Variants in DCHS2 observed in about 807,000 individuals in gnomAD.
DCHS2 encodes the protein dachsous cadherin-related 2, also known as protocadherin-23.
DCHS2 carries 142 observed loss-of-function variants against 182.4 expected under a neutral mutation model. That is an observed-to-expected ratio of 0.78 (90% CI 0.68 to 0.89). DCHS2 has a LOEUF of 0.89. DCHS2 is among the 40% of genes least tolerant of loss of function. The pLI is 0.00. For synonymous variants in DCHS2, 1,740 were observed against 1,663.3 expected (o/e 1.05, Z -1.12); for missense variants, 4,319 against 4,198.6 (o/e 1.03, Z -0.79).
At chr4:154,482,613 G>A (rs772522879) in intron 1 of DCHS2, among the ~76,000 whole-genome samples, 45 of 152,190 alleles carry the variant, frequency 3.0e-4, no homozygotes, top group Non-Finnish European at 6.0e-4. Context: ...AACTATGAAA[G>A]AGTCGTATTA....
At chr4:154,293,256 G>T (rs925989999) in intron 13 of DCHS2, among the ~76,000 whole-genome samples, 1 of 151,988 alleles carries the variant, frequency 6.6e-6, no homozygotes, top group Non-Finnish European at 1.5e-5. Flanking sequence ...AGGCTGGAGT[G>T]CAATGGCGTG....
At chr4:154,367,748 A>C (rs1456387543) in intron 2 of DCHS2, among the ~76,000 whole-genome samples, 1 of 152,020 alleles carries the variant, frequency 6.6e-6, no homozygotes, top group African/African-American at 2.4e-5. Context: ...CTACTCTGGC[A>C]GGGAGGCACA....
chr4:154,284,996 G>A (rs916993882), intron 13 of DCHS2, among the ~76,000 whole-genome samples: 1 of 152,076 alleles, frequency 6.6e-6, no homozygotes, highest in African/African-American at 2.4e-5. Flanking sequence ...AGAGGAGAGG[G>A]AAGAGTAAAG....
At chr4:154,408,976 T>C (rs907456846) in intron 1 of DCHS2, among the ~76,000 whole-genome samples, 1 of 152,110 alleles carries the variant, frequency 6.6e-6, no homozygotes, top group Non-Finnish European at 1.5e-5. Flanking sequence ...CCCAGAGCAG[T>C]CACACAAAAT....
intron 1 of DCHS2, among the ~76,000 whole-genome samples, chr4:154,396,555 A>G (rs1029450992): frequency 2.6e-5 from 4 of 152,112 alleles, no homozygotes; most frequent in Non-Finnish European, 5.9e-5. Flanking sequence ...GAAAGAGTTT[A>G]TTGAGCTCCC....
intron 1 of DCHS2, among the ~76,000 whole-genome samples, chr4:154,444,381 G>GT (rs1297098374): frequency 1.3e-5 from 2 of 151,898 alleles, no homozygotes; most frequent in African/African-American, 4.8e-5. Flanking sequence ...CTTCCCCCAG[G>GT]TGCCTGCATT....
chr4:154,253,186 A>AGTGTGT (rs200345645), intron 16 of DCHS2, among the ~76,000 whole-genome samples: 68 of 142,328 alleles, frequency 4.8e-4, no homozygotes, highest in African/African-American at 1.7e-3. Context: ...AGAGAGAGAG[A>AGTGTGT]GAGAGAGTGT....
chr4:154,314,050 C>A (rs1172872481), intron 10 of DCHS2, among the ~76,000 whole-genome samples: 3 of 152,062 alleles, frequency 2.0e-5, no homozygotes, highest in African/African-American at 7.2e-5. Flanking sequence ...GAGAGAAATT[C>A]TTTTCTCCCT....
At chr4:154,309,754 A>G (rs182006596) in intron 10 of DCHS2, among the ~76,000 whole-genome samples, 26 of 152,334 alleles carry the variant, frequency 1.7e-4, no homozygotes, top group African/African-American at 5.5e-4. Flanking sequence ...TAGGAATTCA[A>G]TACTTGGAGT....
At chr4:154,421,045 G>C (rs780697065) in intron 1 of DCHS2, among the ~76,000 whole-genome samples, 6 of 152,192 alleles carry the variant, frequency 3.9e-5, no homozygotes, top group Non-Finnish European at 8.8e-5. Context: ...CTCACTGACA[G>C]TGATTTGAAT....
Position 154,236,646 on chromosome 4 carries a change from C to G in DCHS2, c.8006G>C (p.Ser2669Thr). Residue 2669 changes from serine (S) to threonine (T), a missense_variant, in exon 20 of 20, where the codon AGC becomes ACC. Coordinates refer to ENST00000357232, the MANE Select transcript of DCHS2 (RefSeq NM_001358235.2). ...NDNPPNFSSL[S>T]YHTHVKESTP... is the part of the protein sequence containing the mutation. ...GCTTTCCTTGACATGGGTGTGATAGCTCAGGCTGCTGAAGTTTGGGGGATT... is the reference window on the plus strand; with the variant it reads ...GCTTTCCTTGACATGGGTGTGATAGGTCAGGCTGCTGAAGTTTGGGGGATT... The G allele has an allele frequency of 6.2e-7, 1 of 1,613,998 alleles. No individual in the cohort carries two copies. The highest frequency in any genetic ancestry group is 8.5e-7 in the Non-Finnish European group (1 of 1,179,942).
In DCHS2 at chr4:154,309,898, A is replaced by T. The variant is rs1183110273; in HGVS notation, c.5261-4667T>A. On this transcript the variant is annotated intron_variant, in intron 10 of 19. Coordinates refer to ENST00000357232, the MANE Select transcript of DCHS2 (RefSeq NM_001358235.2). ...AGTAAAAAGGACTATGATGCAGAAG[A>T]CTGTTTTTCAAAGGACTAGGAAATT... Among the ~76,000 whole-genome samples, 3 of 152,238 alleles carry T rather than the reference A, an allele frequency of 2.0e-5. No individual in the cohort carries two copies. In the East Asian group the frequency reaches 5.8e-4, roughly 29 times the overall value.
rs1578842860 is a variant in DCHS2, at chr4:154,240,832, G to A, written c.7073-9C>T. The A allele has an allele frequency of 1.2e-6, 2 of 1,612,344 alleles. No individual in the cohort carries two copies. The highest frequency in any genetic ancestry group is 4.5e-5 in the East Asian group (2 of 44,776). ...TACACCAGGCAAAGAATCTGAAATAGTCATGACCAGTGTCAGTCTCCATTA... is the reference window on the plus strand; with the variant it reads ...TACACCAGGCAAAGAATCTGAAATAATCATGACCAGTGTCAGTCTCCATTA... On this transcript the variant is annotated splice_polypyrimidine_tract_variant and intron_variant, in intron 17 of 19. Transcript: ENST00000357232.
intron 1 of DCHS2, among the ~76,000 whole-genome samples, chr4:154,409,114 C>G (rs1486112839): frequency 9.2e-5 from 14 of 152,168 alleles, no homozygotes; most frequent in Admixed American, 9.2e-4. Context: ...ATTGGCTGAG[C>G]TCAGACACCT....
At position 154,335,112 on chromosome 4, in the gene DCHS2, G is replaced by T; in HGVS notation, c.2477-8C>A. On this transcript the variant is annotated splice_region_variant and splice_polypyrimidine_tract_variant and intron_variant, in intron 3 of 19. Coordinates refer to ENST00000357232, the MANE Select transcript of DCHS2 (RefSeq NM_001358235.2). ...ATGTTAAGTAAATAATTCCTGGGTA[G>T]GGAAAAGAAAACATTGGTAAACAGA... The T allele has an allele frequency of 6.4e-7, 1 of 1,557,664 alleles. No individual in the cohort carries two copies. Among genetic ancestry groups the T allele is most frequent in the South Asian group, 1.1e-5 (1 of 89,854 alleles).
rs745621667 is a variant in DCHS2, at chr4:154,235,076, T to C, written c.9576A>G (p.Ala3192=). The C allele has an allele frequency of 2.4e-5, 38 of 1,613,880 alleles. No homozygotes were observed. The South Asian group carries it at 3.6e-4, about 15-fold the overall frequency. ...VLPQTVQKRE[A]KESILADVRK... ...TAACGTCAGCCAGGATGCTCTCTTT[T>C]GCCTCTCTCTTCTGAACTGTCTGGG... Residue 3192 remains alanine, a synonymous_variant, in exon 20 of 20, where the codon GCA becomes GCG. Coordinates refer to ENST00000357232, the MANE Select transcript of DCHS2 (RefSeq NM_001358235.2).
chr4:154,408,997 T>A (rs940560683), intron 1 of DCHS2, among the ~76,000 whole-genome samples: 1 of 152,028 alleles, frequency 6.6e-6, no homozygotes, highest in Non-Finnish European at 1.5e-5. Flanking sequence ...GGGCCTGAGA[T>A]AAAGGAGCTC....
At chr4:154,298,915 C>T in intron 12 of DCHS2, 1 of 571,408 alleles carries the variant, frequency 1.8e-6, no homozygotes, top group Non-Finnish European at 2.7e-6. Flanking sequence ...AGGGGATAAA[C>T]AGAATAATAT....
chr4:154,484,026 C>A lies in DCHS2; in HGVS notation c.2052+5278G>T, dbSNP rs573958507. ...ACTGGCCGTTAATTCACACTGAAATCAAAAACTCGAGAGAGCCAGCATCTT... is the reference window on the plus strand; with the variant it reads ...ACTGGCCGTTAATTCACACTGAAATAAAAAACTCGAGAGAGCCAGCATCTT... On this transcript the variant is annotated intron_variant, in intron 1 of 19. Transcript: ENST00000357232. Among the ~76,000 whole-genome samples the A allele has an allele frequency of 1.1e-4, 17 of 152,260 alleles. No individual in the cohort carries two copies. In the South Asian group the frequency reaches 3.1e-3, roughly 28 times the overall value.
Sources: allele counts gnomAD v4.1 joint callset (sites outside exome capture counted in the v4.1 genomes callset), GRCh38; gene constraint gnomAD v4.1.1; transcripts MANE v1.5; gene names NCBI Gene and HGNC (gene_info 2026-07-23, HGNC 2026-07-21).